Variants in ALK observed in about 807,000 individuals in gnomAD.
ALK encodes the protein ALK receptor tyrosine kinase.
In ALK, 74 loss-of-function variants were observed where a neutral mutation model predicts 163.1. That is an observed-to-expected ratio of 0.45 (90% CI 0.38 to 0.55). The LOEUF (loss-of-function observed/expected upper bound fraction) is 0.55. Ranked by LOEUF, ALK falls within the 20% of genes least tolerant of loss-of-function variation. The pLI is 0.00. For missense variants in ALK, 2,063 were observed against 2,105.3 expected, an observed-to-expected ratio of 0.98 and a Z score of 0.39; for synonymous variants, 960 against 843.2, an observed-to-expected ratio of 1.14 and a Z score of -2.40.
intron 3 of ALK, among the ~76,000 whole-genome samples, chr2:29,657,732 A>G (rs1677226632): frequency 6.6e-6 from 1 of 152,136 alleles, no homozygotes; most frequent in Non-Finnish European, 1.5e-5. Context: ...ACAACAAGTT[A>G]GGTCACGGTG....
chr2:29,233,691 G>T lies in ALK; in HGVS notation c.2361C>A (p.Asn787Lys), dbSNP rs777889776. The T allele has an allele frequency of 1.2e-6, 2 of 1,614,086 alleles. No individual in the cohort carries two copies. Among genetic ancestry groups the T allele is most frequent in the Non-Finnish European group, 8.5e-7 (1 of 1,180,046 alleles). The change falls in exon 14 of 29, where the codon AAC becomes AAA. Residue 787 changes from asparagine to lysine, a missense_variant. Asn to Lys is a moderately conservative substitution (Grantham distance 94, BLOSUM62 0). Around this residue, in one of 5 missense-constraint regions of ALK, gnomAD observed 575 missense variants for 626.6 expected, o/e 0.92. Coordinates refer to ENST00000389048, the MANE Select transcript of ALK (RefSeq NM_004304.5). ...CAATGCAGACTTTCTGGATTAACTG[G>T]TTTGTCTGTAGAAACAAAAAGCACG... The part of the protein sequence containing the change: ...QQGEDACPST[N>K]QLIQKVCIGE...
chr2:29,739,542 T>G (rs1679992816), intron 1 of ALK, among the ~76,000 whole-genome samples: 2 of 146,230 alleles, frequency 1.4e-5, no homozygotes, highest in African/African-American at 5.1e-5. Context: ...TGGGCGACAG[T>G]GCGTGAATCT....
intron 4 of ALK, among the ~76,000 whole-genome samples, chr2:29,495,920 T>C (rs1247226681): frequency 6.6e-6 from 1 of 152,224 alleles, no homozygotes; most frequent in Non-Finnish European, 1.5e-5. Context: ...AATTAAACAA[T>C]GAAATGCACA....
chr2:29,264,840 G>T (rs904600237), intron 11 of ALK, among the ~76,000 whole-genome samples: 1 of 152,170 alleles, frequency 6.6e-6, no homozygotes, highest in East Asian at 1.9e-4. Flanking sequence ...GTAAGTGGAC[G>T]TTTGCTGAAA....
intron 4 of ALK, among the ~76,000 whole-genome samples, chr2:29,403,580 G>T (rs1573323031): frequency 6.6e-6 from 1 of 151,804 alleles, no homozygotes; most frequent in Admixed American, 6.6e-5. Context: ...AAAACAATTG[G>T]TGGGAGGGTG....
intron 4 of ALK, among the ~76,000 whole-genome samples, chr2:29,492,904 A>T (rs1671937671): frequency 6.6e-6 from 1 of 152,200 alleles, no homozygotes; most frequent in Non-Finnish European, 1.5e-5. Flanking sequence ...GGGAGTATTT[A>T]GAAAAGAATG....
chr2:29,881,581 G>C (rs1228421127), intron 1 of ALK, among the ~76,000 whole-genome samples: 1 of 152,160 alleles, frequency 6.6e-6, no homozygotes, highest in Non-Finnish European at 1.5e-5. Context: ...GCTGCTGGCT[G>C]TCTCCCCGCC....
chr2:29,684,602 C>A (rs929463384), intron 3 of ALK, among the ~76,000 whole-genome samples: 1 of 152,148 alleles, frequency 6.6e-6, no homozygotes, highest in African/African-American at 2.4e-5. Context: ...TTCCCAAGAC[C>A]CCTCTGAAGA....
At chr2:29,443,014 G>A (rs528703777) in intron 4 of ALK, among the ~76,000 whole-genome samples, 1 of 152,222 alleles carries the variant, frequency 6.6e-6, no homozygotes, top group Non-Finnish European at 1.5e-5. Context: ...CACGTCCTGT[G>A]TGTCCTGCTC....
chr2:29,307,919 A>T (rs1401840257), intron 8 of ALK, among the ~76,000 whole-genome samples: 1 of 152,180 alleles, frequency 6.6e-6, no homozygotes, highest in South Asian at 2.1e-4. Context: ...TTTCTGAGGG[A>T]TTATGTAGAA....
intron 3 of ALK, among the ~76,000 whole-genome samples, chr2:29,583,908 T>C (rs547312055): frequency 1.3e-5 from 2 of 152,358 alleles, no homozygotes; most frequent in African/African-American, 2.4e-5. Flanking sequence ...AGAGGCCTGA[T>C]TTATTTACTC....
intron 1 of ALK, among the ~76,000 whole-genome samples, chr2:29,794,614 T>A (rs1429416191): frequency 6.6e-6 from 1 of 152,126 alleles, no homozygotes; most frequent in Non-Finnish European, 1.5e-5. Context: ...ACTGTAGGGT[T>A]ATTAACTGGC....
At chr2:29,334,400 T>G (rs745965299) in intron 5 of ALK, among the ~76,000 whole-genome samples, 1 of 152,222 alleles carries the variant, frequency 6.6e-6, no homozygotes. Flanking sequence ...CATTTGATAG[T>G]TGAGAATACC....
intron 3 of ALK, among the ~76,000 whole-genome samples, chr2:29,651,439 A>G (rs143016916): frequency 6.6e-6 from 1 of 152,324 alleles, no homozygotes; most frequent in East Asian, 1.9e-4. Context: ...TCTTCTGCGT[A>G]GCATCTTTCT....
intron 1 of ALK, among the ~76,000 whole-genome samples, chr2:29,781,369 G>T (rs891850138): frequency 2.0e-5 from 3 of 152,082 alleles, no homozygotes; most frequent in Non-Finnish European, 4.4e-5. Context: ...ACTCTTCTGG[G>T]CTTCTCCCAG....
chr2:29,517,259 C>T (rs1461907164), intron 4 of ALK, among the ~76,000 whole-genome samples: 1 of 152,002 alleles, frequency 6.6e-6, no homozygotes, highest in African/African-American at 2.4e-5. Flanking sequence ...TTAATCTCCC[C>T]CAGAAGGTGC....
intron 3 of ALK, among the ~76,000 whole-genome samples, chr2:29,675,674 G>A (rs981837051): frequency 3.3e-5 from 5 of 151,754 alleles, no homozygotes; most frequent in East Asian, 1.9e-4. Flanking sequence ...GTATGTCTTC[G>A]GACAATTCTT....
chr2:29,497,792 T>C (rs1361348709), intron 4 of ALK, among the ~76,000 whole-genome samples: 1 of 152,192 alleles, frequency 6.6e-6, no homozygotes, highest in Non-Finnish European at 1.5e-5. Flanking sequence ...CATGATCATT[T>C]GTTATAACTA....
chr2:29,472,745 T>G (rs1671378171), intron 4 of ALK, among the ~76,000 whole-genome samples: 1 of 151,950 alleles, frequency 6.6e-6, no homozygotes, highest in Non-Finnish European at 1.5e-5. Context: ...AAAGAAAAAA[T>G]GAATCTTTAA....
Sources: allele counts gnomAD v4.1 joint callset (sites outside exome capture counted in the v4.1 genomes callset), GRCh38; gene constraint gnomAD v4.1.1; regional missense constraint gnomAD v4.1.1; transcripts MANE v1.5; gene names NCBI Gene and HGNC (gene_info 2026-07-23, HGNC 2026-07-21).